MACROD2: variants seen among roughly 807,000 people sequenced by gnomAD.
The protein encoded by MACROD2 is mono-ADP ribosylhydrolase 2.
Under a neutral mutation model 70.4 loss-of-function variants are expected in MACROD2, and 36 were observed. That is an observed-to-expected ratio of 0.51 (90% CI 0.39 to 0.68). The LOEUF is 0.68. Among genes scored for constraint, MACROD2 ranks in the 30% least tolerant of loss-of-function variants. The pLI is 0.00. For synonymous variants in MACROD2, 172 were observed against 178.8 expected, an observed-to-expected ratio of 0.96 and a Z score of 0.30; for missense variants, 496 against 538.4, an observed-to-expected ratio of 0.92 and a Z score of 0.78.
At chr20:14,524,656 C>T (rs1178703683) in intron 4 of MACROD2, among the ~76,000 whole-genome samples, 2 of 152,158 alleles carry the variant, frequency 1.3e-5, no homozygotes, top group Non-Finnish European at 2.9e-5. Context: ...CCCCTGCCTG[C>T]GTTAGCCTTG....
At chr20:15,904,904 A>G (rs1282262818) in intron 10 of MACROD2, among the ~76,000 whole-genome samples, 3 of 150,234 alleles carry the variant, frequency 2.0e-5, no homozygotes, top group African/African-American at 7.4e-5. Flanking sequence ...AAAAAAAAAA[A>G]GAAGGAAGAA....
chr20:14,054,848 T>C (rs2053613948), intron 2 of MACROD2, among the ~76,000 whole-genome samples: 1 of 152,160 alleles, frequency 6.6e-6, no homozygotes, highest in East Asian at 1.9e-4. Context: ...GGCAGTGATT[T>C]TATTTTAGAA....
intron 6 of MACROD2, among the ~76,000 whole-genome samples, chr20:15,345,152 C>T (rs1039471956): frequency 3.9e-5 from 6 of 152,122 alleles, no homozygotes; most frequent in Admixed American, 6.6e-5. Flanking sequence ...TCTTGATTAC[C>T]GCCGAAAGGG....
chr20:14,978,871 A>G (rs1261901337), intron 5 of MACROD2, among the ~76,000 whole-genome samples: 3 of 66,682 alleles, frequency 4.5e-5, no homozygotes, highest in Non-Finnish European at 8.8e-5. Context: ...ATAATATATT[A>G]TATAATATAT....
At chr20:14,755,886 T>G (rs2071934126) in intron 5 of MACROD2, among the ~76,000 whole-genome samples, 1 of 152,164 alleles carries the variant, frequency 6.6e-6, no homozygotes, top group Non-Finnish European at 1.5e-5. Flanking sequence ...ATATGTGTTA[T>G]ACTCAATTTA....
At chr20:15,011,181 T>A (rs994628078) in intron 5 of MACROD2, among the ~76,000 whole-genome samples, 1 of 152,174 alleles carries the variant, frequency 6.6e-6, no homozygotes, top group Non-Finnish European at 1.5e-5. Flanking sequence ...CTGCCACCTT[T>A]GAGTTGACAC....
chr20:14,579,885 A>G (rs1010812492), intron 4 of MACROD2, among the ~76,000 whole-genome samples: 1 of 152,362 alleles, frequency 6.6e-6, no homozygotes, highest in South Asian at 2.1e-4. Context: ...GAGGCAGACC[A>G]GCAGGTTTCA....
intron 8 of MACROD2, among the ~76,000 whole-genome samples, chr20:15,655,105 ATGTGTG>A (rs561197461): frequency 6.6e-6 from 1 of 151,398 alleles, no homozygotes; most frequent in Non-Finnish European, 1.5e-5. Flanking sequence ...GAAAAATACA[ATGTGTG>A]TGTGTGTATG....
chr20:14,466,627 C>T (rs893061371), intron 3 of MACROD2, among the ~76,000 whole-genome samples: 3 of 152,164 alleles, frequency 2.0e-5, no homozygotes, highest in South Asian at 2.1e-4. Context: ...TTAGAGTTTC[C>T]GGTTTTTCTG....
intron 3 of MACROD2, among the ~76,000 whole-genome samples, chr20:14,419,438 T>C (rs1282694956): frequency 6.6e-6 from 1 of 152,204 alleles, no homozygotes; most frequent in African/African-American, 2.4e-5. Context: ...ATCAGATTGA[T>C]TTCTGGAAAC....
intron 4 of MACROD2, among the ~76,000 whole-genome samples, chr20:14,668,857 A>G (rs2070765044): frequency 1.3e-5 from 2 of 152,168 alleles, no homozygotes; most frequent in African/African-American, 2.4e-5. Flanking sequence ...TTAAACAAAA[A>G]GGAGTAAAAT....
intron 5 of MACROD2, among the ~76,000 whole-genome samples, chr20:14,778,595 G>A (rs2072262280): frequency 6.6e-6 from 1 of 152,090 alleles, no homozygotes; most frequent in Non-Finnish European, 1.5e-5. Context: ...GTAGTTTGGG[G>A]GCGTAATCTT....
chr20:14,114,517 T>G (rs1160481382), intron 3 of MACROD2, among the ~76,000 whole-genome samples: 1 of 152,128 alleles, frequency 6.6e-6, no homozygotes, highest in Non-Finnish European at 1.5e-5. Context: ...TCTCTAGGCA[T>G]CTGTAGCTCT....
chr20:15,014,332 C>T (rs2075105136), intron 5 of MACROD2, among the ~76,000 whole-genome samples: 2 of 152,118 alleles, frequency 1.3e-5, no homozygotes, highest in South Asian at 4.2e-4. Flanking sequence ...AAAATATTGC[C>T]TTTAAAGCCC....
At chr20:14,228,923 C>A (rs2081772113) in intron 3 of MACROD2, among the ~76,000 whole-genome samples, 1 of 149,144 alleles carries the variant, frequency 6.7e-6, no homozygotes, top group Admixed American at 6.8e-5. Flanking sequence ...ACAAGAATTG[C>A]TTGAACCTGG....
chr20:16,044,014 G>A (rs1018967828), intron 16 of MACROD2, among the ~76,000 whole-genome samples: 3 of 152,012 alleles, frequency 2.0e-5, no homozygotes, highest in Non-Finnish European at 4.4e-5. Flanking sequence ...GGCCTTTTTT[G>A]TGTTGCTATA....
At chr20:15,522,773 T>C (rs1006705770) in intron 8 of MACROD2, among the ~76,000 whole-genome samples, 1 of 152,168 alleles carries the variant, frequency 6.6e-6, no homozygotes, top group African/African-American at 2.4e-5. Flanking sequence ...TGGCAACTGG[T>C]GCTAACTGCT....
intron 5 of MACROD2, among the ~76,000 whole-genome samples, chr20:15,025,973 C>T (rs868588576): frequency 4.6e-5 from 7 of 152,300 alleles, no homozygotes; most frequent in African/African-American, 1.7e-4. Flanking sequence ...GATGCATTTG[C>T]ATGCTCTGTT....
intron 8 of MACROD2, among the ~76,000 whole-genome samples, chr20:15,681,876 T>G (rs961972953): frequency 6.6e-6 from 1 of 152,148 alleles, no homozygotes; most frequent in Admixed American, 6.5e-5. Flanking sequence ...TAGAGTGGCT[T>G]TGGGGACTAA....
Sources: gnomAD v4.1 joint callset for allele counts (sites outside exome capture counted in the v4.1 genomes callset) on GRCh38, gnomAD v4.1.1 for gene constraint, MANE v1.5 for transcripts, NCBI Gene and HGNC (gene_info 2026-07-23, HGNC 2026-07-21) for gene names.